Variants in ITPRID2 observed in about 807,000 individuals in gnomAD.
ITPRID2 encodes protein ITPRID2.
A neutral mutation model predicts 124.3 loss-of-function variants in ITPRID2; 60 were observed. The observed-to-expected ratio is 0.48, with a 90% CI of 0.39 to 0.60. ITPRID2 has a LOEUF of 0.60. Among genes scored for constraint, ITPRID2 ranks in the 20% least tolerant of loss-of-function variants. The pLI is 0.00. For synonymous variants in ITPRID2, 521 were observed against 542.9 expected (o/e 0.96, Z 0.56); for missense variants, 1,553 against 1,512.2 (o/e 1.03, Z -0.45).
chr2:181,892,535 C>G lies in ITPRID2; in HGVS notation c.212-80C>G, dbSNP rs777236264. The stretch of plus-strand genomic sequence containing the variant: ...GCTGCATTTGCCGTGGTAGATTTTC[C>G]TACTTGGGAGGGTCCAGGGTGACTC... On this transcript the variant is annotated intron_variant, in intron 1 of 17. Coordinates refer to ENST00000431877, the MANE Select transcript of ITPRID2 (RefSeq NM_001130445.3). The surrounding 1 kb of genome is among the most constrained non-coding windows in gnomAD (Gnocchi z 5.2). 1 of 1,564,572 alleles carries G rather than the reference C, an allele frequency of 6.4e-7. No individual in the cohort carries two copies. Among genetic ancestry groups the G allele is most frequent in the African/African-American group, 1.4e-5 (1 of 73,786 alleles).
In ITPRID2 at chr2:181,900,881, A is replaced by C; in HGVS notation, c.689A>C (p.Glu230Ala). Residue 230 changes from glutamate to alanine, a missense_variant, in exon 7 of 18, where the codon GAA becomes GCA. Coordinates refer to ENST00000431877, the MANE Select transcript of ITPRID2 (RefSeq NM_001130445.3). ...LSAQMQRMEV[E>A]NPNYALTSRF... is the part of the protein sequence containing the mutation. ...GCTCAGATGCAACGGATGGAAGTAGAAAACCCAAATTATGCTTTAACAAGT... is the reference window on the plus strand; with the variant it reads ...GCTCAGATGCAACGGATGGAAGTAGCAAACCCAAATTATGCTTTAACAAGT... 1 of 1,610,548 alleles carries C rather than the reference A, an allele frequency of 6.2e-7. No individual in the cohort carries two copies. The highest frequency in any genetic ancestry group is 8.5e-7 in the Non-Finnish European group (1 of 1,178,802).
At chr2:181,901,740 A>T in intron 7 of ITPRID2, 26 bp from the exon 8 acceptor site, 2 of 1,479,230 alleles carry the variant, frequency 1.4e-6, no homozygotes, top group Non-Finnish European at 1.8e-6. Flanking sequence ...ATATAAACAT[A>T]TCATTAATAT....
rs1362522070 is a variant in ITPRID2, at chr2:181,916,373, G to A, written c.2733G>A (p.Met911Ile). Reference sequence around the variant, plus strand: ...TGAATCCTCCTTCAGCCATAGAAATGCAGTTGCGAAGAGTATTACATGATA... The same window carrying A: ...TGAATCCTCCTTCAGCCATAGAAATACAGTTGCGAAGAGTATTACATGATA... ...CSVNPPSAIEMQLRRVLHDIR... is the reference protein window; with the variant it reads ...CSVNPPSAIEIQLRRVLHDIR... The change falls in exon 11 of 18, where the codon ATG (methionine) becomes ATA (isoleucine). Residue 911 changes from methionine to isoleucine, a missense_variant. Physicochemically the swap from Met to Ile is conservative, Grantham distance 10. Coordinates refer to ENST00000431877, the MANE Select transcript of ITPRID2 (RefSeq NM_001130445.3). The A allele has an allele frequency of 6.2e-7, 1 of 1,614,190 alleles. No homozygotes were observed. The highest frequency in any genetic ancestry group is 8.5e-7 in the Non-Finnish European group (1 of 1,180,028).
Position 181,892,300 on chromosome 2 carries a change from CG to C in ITPRID2, c.211+29del, listed in dbSNP as rs1201054429. The C allele has an allele frequency of 4.6e-6, 7 of 1,531,840 alleles. No homozygotes were observed. Among genetic ancestry groups the C allele is most frequent in the Non-Finnish European group, 5.3e-6 (6 of 1,139,088 alleles). 94.9% of individuals were successfully genotyped at this position (1,531,840 alleles called of 1,614,324 possible). On this transcript the variant is annotated intron_variant, in intron 1 of 17. Coordinates refer to ENST00000431877, the MANE Select transcript of ITPRID2 (RefSeq NM_001130445.3). The surrounding 1 kb of genome is among the most constrained non-coding windows in gnomAD (Gnocchi z 5.2). Reference sequence around the variant, plus strand: ...GAGGTCGGTGCTCCCGGCCGGGCTCCGGGGGGAGGCTGGTGGGCTGGGGAGA... The same window carrying C: ...GAGGTCGGTGCTCCCGGCCGGGCTCCGGGGGAGGCTGGTGGGCTGGGGAGA...
rs6715799 is a variant in ITPRID2, at chr2:181,903,783, A to T, written c.1413+1317A>T. On this transcript the variant is annotated intron_variant, in intron 8 of 17. Coordinates refer to ENST00000431877, the MANE Select transcript of ITPRID2 (RefSeq NM_001130445.3). The stretch of plus-strand genomic sequence containing the variant: ...GTAATGAGTATGGAAGATGACTGTG[A>T]TGACTACATTAAAACCTCTGTTTGT... Among the ~76,000 whole-genome samples, 1,380 of 152,236 alleles carry T rather than the reference A, an allele frequency of 9.1e-3. 11 individuals are homozygous for T. Among genetic ancestry groups the T allele is most frequent in the African/African-American group, 0.031 (1,303 of 41,528 alleles).
chr2:181,915,155 AT>A, intron 10 of ITPRID2, 60 bp from the exon 11 acceptor site: 1 of 1,536,974 alleles, frequency 6.5e-7, no homozygotes, highest in African/African-American at 1.4e-5. Flanking sequence ...TTGGTTTGGT[AT>A]TTTGTTAGTG....
In ITPRID2 at chr2:181,896,803, T is replaced by C; in HGVS notation, c.308-105T>C. ...GAGTACATTCAAGTCTGAAAGATTT[T>C]ACTGTATAAGATATTTTGCTGGGTG... On this transcript the variant is annotated intron_variant, in intron 3 of 17. Coordinates refer to ENST00000431877, the MANE Select transcript of ITPRID2 (RefSeq NM_001130445.3). The surrounding 1 kb of genome is among the most constrained non-coding windows in gnomAD (Gnocchi z 4.3). The C allele has an allele frequency of 1.2e-6, 1 of 821,938 alleles. No individual in the cohort carries two copies. The allele number at this position is 821,938 out of a possible 1,614,324, so 50.9% of individuals were successfully genotyped here.
chr2:181,915,642 T>A lies in ITPRID2; in HGVS notation c.2002T>A (p.Ser668Thr). The part of the protein sequence containing the change: ...TTHHILKSLA[S>T]IEAKCSDMSS... ...ACACCATATTCTGAAATCATTGGCT[T>A]CTATTGAAGCTAAATGCAGTGATAT... Residue 668 changes from serine to threonine, a missense_variant, in exon 11 of 18, where the codon TCT becomes ACT. Transcript: ENST00000431877. The A allele has an allele frequency of 6.2e-7, 1 of 1,614,208 alleles. No individual in the cohort carries two copies.
At position 181,928,152 on chromosome 2, in the gene ITPRID2, C is replaced by T. The variant is rs1438371007; in HGVS notation, c.3676-9C>T. 1.3e-6 allele frequency: 2 copies of T among 1,507,048 alleles called. No homozygotes were observed. Among genetic ancestry groups the T allele is most frequent in the East Asian group, 2.5e-5 (1 of 40,324 alleles). 93.4% of individuals were successfully genotyped at this position (1,507,048 alleles called of 1,614,324 possible). A position where few individuals can be genotyped will look rare whatever the true frequency, so the allele number is the denominator to read the frequency against. Reference sequence around the variant, plus strand: ...GGTAAATTTTTGTTTTATTGTTTTTCCAATCTAGATTAAAGAGTCTATTGT... The same window carrying T: ...GGTAAATTTTTGTTTTATTGTTTTTTCAATCTAGATTAAAGAGTCTATTGT... On this transcript the variant is annotated splice_polypyrimidine_tract_variant and intron_variant, in intron 16 of 17. Transcript: ENST00000431877.
Position 181,916,332 on chromosome 2 carries a change from T to TA in ITPRID2, c.2693dup (p.Tyr898Ter). 6.2e-7 allele frequency: 1 copy of TA among 1,614,142 alleles called. No individual in the cohort carries two copies. The highest frequency in any genetic ancestry group is 1.1e-5 in the South Asian group (1 of 91,082). Reference protein sequence around the residue: ...PYSHRHATYPYRVCSVNPPSA... With the variant: ...PYSHRHATYP Reference sequence around the variant, plus strand: ...CTCACATAGACATGCCACCTACCCTTACCGAGTGTGCTCTGTGAATCCTCC... The same window carrying TA: ...CTCACATAGACATGCCACCTACCCTTAACCGAGTGTGCTCTGTGAATCCTCC... Residue 898 changes from tyrosine (Y) to a stop codon, truncating the protein, a stop_gained and frameshift_variant, in exon 11 of 18, where the codon TAC becomes TAAC. Coordinates refer to ENST00000431877, the MANE Select transcript of ITPRID2 (RefSeq NM_001130445.3). LOFTEE classifies it high-confidence loss of function.
intron 16 of ITPRID2, among the ~76,000 whole-genome samples, chr2:181,924,606 G>A (rs768303170): frequency 1.1e-4 from 16 of 152,254 alleles, no homozygotes; most frequent in South Asian, 4.1e-4. Flanking sequence ...TTCTTACTGC[G>A]TTCATGGATG....
intron 8 of ITPRID2, among the ~76,000 whole-genome samples, chr2:181,903,398 T>G (rs550421882): frequency 6.6e-6 from 1 of 152,332 alleles, no homozygotes; most frequent in Admixed American, 6.5e-5. Flanking sequence ...TAGATGCGTT[T>G]TAGTAATAGT....
In ITPRID2 at chr2:181,892,266, C is replaced by CG; in HGVS notation, c.206dup (p.Arg70LysfsTer26). On this transcript the variant is annotated frameshift_variant, in exon 1 of 18. Transcript: ENST00000431877. LOFTEE classifies it high-confidence loss of function. This position sits in a 1 kb window ranked among gnomAD's most constrained non-coding sequence, Gnocchi z 5.2. ...CTCCCCGGCGCGCAGCTGCCGGCAG[C>CG]GGGGGGAAGAGGTCGGTGCTCCCGG... The CG allele has an allele frequency of 1.3e-6, 2 of 1,547,426 alleles. No homozygotes were observed. Among genetic ancestry groups the CG allele is most frequent in the East Asian group, 2.4e-5 (1 of 40,834 alleles).
intron 17 of ITPRID2, 76 bp from the exon 18 acceptor site, chr2:181,929,484 CT>C (rs1180989831): frequency 1.1e-6 from 1 of 936,096 alleles, no homozygotes; most frequent in Non-Finnish European, 1.7e-6. Flanking sequence ...GCATAAAATT[CT>C]CATCTTCCTT....
chr2:181,910,674 TG>T lies in ITPRID2; in HGVS notation c.1486+704del. ...AAACTTTACACATGCTGAACCACCC[TG>T]TTTTTTTTTTAAACAAAGATTCGTA... On this transcript the variant is annotated intron_variant, in intron 9 of 17. Coordinates refer to ENST00000431877, the MANE Select transcript of ITPRID2 (RefSeq NM_001130445.3). The surrounding 1 kb of genome is among the most constrained non-coding windows in gnomAD (Gnocchi z 4.1). 4.6e-6 allele frequency: 3 copies of T among 651,422 alleles called. No individual in the cohort carries two copies. Among genetic ancestry groups the T allele is most frequent in the Admixed American group, 2.8e-5 (1 of 36,294 alleles). The allele number at this position is 651,422 out of a possible 1,614,324, so 40.4% of individuals were successfully genotyped here.
chr2:181,901,579 A>C (rs1433928862), intron 7 of ITPRID2, among the ~76,000 whole-genome samples, 187 bp from the exon 8 acceptor site: 1 of 152,176 alleles, frequency 6.6e-6, no homozygotes, highest in Non-Finnish European at 1.5e-5. Flanking sequence ...CTTAGAGTAA[A>C]AATCTTGCTC....
chr2:181,924,314 T>TA (rs2125112831), intron 16 of ITPRID2, among the ~76,000 whole-genome samples: 1 of 152,328 alleles, frequency 6.6e-6, no homozygotes, highest in South Asian at 2.1e-4. Context: ...TTAGTTACAA[T>TA]AGTTTTCTGT....
chr2:181,913,949 C>G lies in ITPRID2; in HGVS notation c.1575+16C>G, dbSNP rs1693830595. The G allele has an allele frequency of 6.5e-6, 10 of 1,543,788 alleles. No individual in the cohort carries two copies. The highest frequency in any genetic ancestry group is 8.9e-6 in the Non-Finnish European group (10 of 1,119,440). On this transcript the variant is annotated intron_variant, in intron 10 of 17. Coordinates refer to ENST00000431877, the MANE Select transcript of ITPRID2 (RefSeq NM_001130445.3). ...TCATCTTCAGGTAAAATTTTCTGTT[C>G]TAATAGGCACTATGATTAACTTCCT...
Position 181,915,716 on chromosome 2 carries a change from T to C in ITPRID2, c.2076T>C (p.Asn692=), listed in dbSNP as rs1457534587. 5 of 1,614,128 alleles carry C rather than the reference T, an allele frequency of 3.1e-6. No individual in the cohort carries two copies. The South Asian group carries it at 5.5e-5, about 18-fold the overall frequency. ...TGPPSSMDRV[N]TALQRAQMKV... is the part of the protein sequence containing the mutation. ...CTCCCTCTTCCATGGACAGAGTTAA[T>C]ACAGCTTTGCAAAGAGCTCAAATGA... Residue 692 remains asparagine, a synonymous_variant, in exon 11 of 18, where the codon AAT becomes AAC. Coordinates refer to ENST00000431877, the MANE Select transcript of ITPRID2 (RefSeq NM_001130445.3).
Sources: allele counts gnomAD v4.1 joint callset (sites outside exome capture counted in the v4.1 genomes callset), GRCh38; gene constraint gnomAD v4.1.1; non-coding constraint Gnocchi (gnomAD v3.1); transcripts MANE v1.5; gene names NCBI Gene and HGNC (gene_info 2026-07-23, HGNC 2026-07-21).